The following PCLO variants were observed in gnomAD, a reference collection of about 807,000 sequenced individuals.
PCLO encodes protein piccolo.
Under a neutral mutation model 427.5 loss-of-function variants are expected in PCLO, and 82 were observed. The ratio of observed to expected loss-of-function variants is 0.19; its 90% CI spans 0.16 to 0.23. PCLO has a LOEUF of 0.23. Ranked by LOEUF, PCLO falls within the 10% of genes least tolerant of loss-of-function variation. PCLO has a pLI of 1.00. For synonymous variants in PCLO, 2,357 were observed against 2,155.4 expected (o/e 1.09, Z -2.59); for missense variants, 6,239 against 6,115.9 (o/e 1.02, Z -0.67).
At chr7:83,154,497 G>T (rs1176108015) in intron 2 of PCLO, among the ~76,000 whole-genome samples, 1 of 152,092 alleles carries the variant, frequency 6.6e-6, no homozygotes, top group Admixed American at 6.5e-5. Context: ...ATGAGTAGAT[G>T]CCCAGCATCT....
Position 82,828,084 on chromosome 7 carries a change from T to G in PCLO, c.14250-118A>C, listed in dbSNP as rs192450583. On this transcript the variant is annotated intron_variant, in intron 16 of 24. Transcript: ENST00000333891. ...ATTTTATTTCAAATCACTATATAAT[T>G]ATCTCATCATCCTCATGTCTTAAAC... 45 of 653,378 alleles carry G rather than the reference T, an allele frequency of 6.9e-5. 1 individual carries two copies. Among genetic ancestry groups the G allele is most frequent in the Middle Eastern group, 3.2e-4 (1 of 3,138 alleles). The allele number at this position is 653,378 out of a possible 1,614,324, so 40.5% of individuals were successfully genotyped here.
intron 20 of PCLO, among the ~76,000 whole-genome samples, chr7:82,813,336 T>C (rs946188875): frequency 1.3e-5 from 2 of 151,768 alleles, no homozygotes; most frequent in Non-Finnish European, 3.0e-5. Flanking sequence ...TTTCTCCAAA[T>C]AGATCCTTAA....
chr7:83,050,775 T>C (rs1454171885), intron 3 of PCLO, among the ~76,000 whole-genome samples: 2 of 149,008 alleles, frequency 1.3e-5, no homozygotes, highest in African/African-American at 2.5e-5. Context: ...TATCCGGGCA[T>C]GGTGGTACAT....
At chr7:82,979,464 AGGTT>A (rs1240920448) in intron 3 of PCLO, among the ~76,000 whole-genome samples, 2 of 152,196 alleles carry the variant, frequency 1.3e-5, no homozygotes, top group African/African-American at 2.4e-5. Context: ...AAGCAGTAAG[AGGTT>A]TAAAGTAGTT....
intron 3 of PCLO, among the ~76,000 whole-genome samples, chr7:82,991,776 C>A (rs10258697): frequency 0.012 from 1,840 of 152,212 alleles, 41 homozygotes; most frequent in African/African-American, 0.041. Context: ...ACTAGCCTCC[C>A]TTCCCAGGGG....
intron 1 of PCLO, 60 bp from the exon 2 acceptor site, chr7:83,156,452 C>T: frequency 9.3e-7 from 1 of 1,071,942 alleles, no homozygotes; most frequent in Non-Finnish European, 1.3e-6. Flanking sequence ...TATTTCAAAT[C>T]AAAGTAATAC....
At position 83,087,847 on chromosome 7, in the gene PCLO, T is replaced by A. The variant is rs987923556; in HGVS notation, c.3300+46403A>T. On this transcript the variant is annotated intron_variant, in intron 3 of 24. Coordinates refer to ENST00000333891, the MANE Select transcript of PCLO (RefSeq NM_033026.6). ...TAGTTTTGACATAATTCATAGCTAA[T>A]GTAGTTTTTAAAAATCATCTAATGT... 4.6e-5 allele frequency among the ~76,000 whole-genome samples: 7 copies of A among 152,290 alleles called. No individual in the cohort carries two copies. In the East Asian group the frequency reaches 1.4e-3, roughly 29 times the overall value.
intron 6 of PCLO, among the ~76,000 whole-genome samples, chr7:82,944,738 G>A (rs949832293): frequency 2.0e-5 from 3 of 152,146 alleles, no homozygotes; most frequent in African/African-American, 7.2e-5. Context: ...GATAGTTGGT[G>A]ACTTTTTACT....
chr7:83,065,346 G>A (rs1242562782), intron 3 of PCLO, among the ~76,000 whole-genome samples: 2 of 150,880 alleles, frequency 1.3e-5, no homozygotes, highest in African/African-American at 4.9e-5. Context: ...TTTCTTAATT[G>A]TATTAAATAT....
chr7:83,128,403 T>A (rs1791492616), intron 3 of PCLO, among the ~76,000 whole-genome samples: 1 of 152,168 alleles, frequency 6.6e-6, no homozygotes. Context: ...AATTTGTATT[T>A]TACACTTCAA....
In PCLO at chr7:83,162,737, C is replaced by T; in HGVS notation, c.-145G>A. The T allele has an allele frequency of 2.9e-6, 3 of 1,036,040 alleles. No individual in the cohort carries two copies. The highest frequency in any genetic ancestry group is 4.1e-6 in the Non-Finnish European group (3 of 738,584). The allele number at this position is 1,036,040 out of a possible 1,614,324, so 64.2% of individuals were successfully genotyped here. A position where few individuals can be genotyped will look rare whatever the true frequency, so the allele number is the denominator to read the frequency against. ...CCCTGGACTCTGGACCAGGCACTGC[C>T]GCCCGGAACGCCAGGCAGGGGTTAG... On this transcript the variant is annotated 5_prime_UTR_variant, in exon 1 of 25. Coordinates refer to ENST00000333891, the MANE Select transcript of PCLO (RefSeq NM_033026.6).
chr7:83,153,898 TAA>T (rs146942920), intron 2 of PCLO, among the ~76,000 whole-genome samples: 3 of 143,636 alleles, frequency 2.1e-5, no homozygotes, highest in Non-Finnish European at 3.1e-5. Context: ...TCTCTTCCCC[TAA>T]AAAAAAAAAA....
chr7:83,158,509 T>A (rs1367891445), intron 1 of PCLO, among the ~76,000 whole-genome samples: 1 of 145,490 alleles, frequency 6.9e-6, no homozygotes, highest in Non-Finnish European at 1.5e-5. Context: ...AATCTAACTT[T>A]AAGCAGAGTA....
intron 2 of PCLO, among the ~76,000 whole-genome samples, chr7:83,145,302 G>A (rs1161924905): frequency 6.6e-6 from 1 of 151,798 alleles, no homozygotes; most frequent in Non-Finnish European, 1.5e-5. Context: ...TATGTATGAA[G>A]GAAAAAACAA....
intron 3 of PCLO, among the ~76,000 whole-genome samples, chr7:83,006,476 T>A (rs1787948900): frequency 6.6e-6 from 1 of 151,542 alleles, no homozygotes; most frequent in African/African-American, 2.4e-5. Flanking sequence ...GGAACAACAA[T>A]TTAAAACATT....
intron 3 of PCLO, among the ~76,000 whole-genome samples, chr7:82,979,326 T>C (rs1164746930): frequency 1.3e-5 from 2 of 152,164 alleles, no homozygotes; most frequent in African/African-American, 2.4e-5. Context: ...GTCGTTAAAT[T>C]TGAAAACATG....
intron 10 of PCLO, among the ~76,000 whole-genome samples, chr7:82,852,140 A>T (rs1050544336): frequency 1.3e-5 from 2 of 152,240 alleles, no homozygotes; most frequent in African/African-American, 4.8e-5. Flanking sequence ...TATTTACAGA[A>T]CAAGGAGATA....
chr7:83,018,938 T>C (rs958030442), intron 3 of PCLO, among the ~76,000 whole-genome samples: 3 of 151,978 alleles, frequency 2.0e-5, no homozygotes, highest in African/African-American at 7.2e-5. Flanking sequence ...TTTTAAAACA[T>C]TGAGTTATGA....
rs10645073 is a variant in PCLO at position 82,832,800 on chromosome 7, TACACACACACAC to T, written c.14249+2855_14249+2866del. Among the ~76,000 whole-genome samples, 653 of 140,696 alleles carry T rather than the reference TACACACACACAC, an allele frequency of 4.6e-3. 5 individuals carry two copies. Among genetic ancestry groups the T allele is most frequent in the African/African-American group, 0.016 (602 of 37,428 alleles). The allele number at this position is 140,696 out of a possible 152,430, so 92.3% of individuals were successfully genotyped here. On this transcript the variant is annotated intron_variant, in intron 16 of 24. Coordinates refer to ENST00000333891, the MANE Select transcript of PCLO (RefSeq NM_033026.6). ...TCTGGTTTTCCTTTACTAAACTTACTACACACACACACACACACACACACACACACACACACA... is the reference window on the plus strand; with the variant it reads ...TCTGGTTTTCCTTTACTAAACTTACTACACACACACACACACACACACACA...
Sources: allele counts gnomAD v4.1 joint callset (sites outside exome capture counted in the v4.1 genomes callset), GRCh38; gene constraint gnomAD v4.1.1; transcripts MANE v1.5; gene names NCBI Gene and HGNC (gene_info 2026-07-23, HGNC 2026-07-21).